Variants in SLC35F1 observed in about 807,000 individuals in gnomAD.
The protein encoded by SLC35F1 is chromosome 6 open reading frame 169.
A neutral mutation model predicts 48.7 loss-of-function variants in SLC35F1; 14 were observed. That is an observed-to-expected ratio of 0.29 (90% confidence interval 0.19 to 0.45). SLC35F1 has a LOEUF of 0.45. Among genes scored for constraint, SLC35F1 ranks in the 20% least tolerant of loss-of-function variants. The pLI, the probability that SLC35F1 is intolerant of heterozygous loss-of-function variation, is 1.00. For missense variants in SLC35F1, 404 were observed against 500.0 expected, an observed-to-expected ratio of 0.81 and a Z score of 1.83; for synonymous variants, 190 against 202.2, an observed-to-expected ratio of 0.94 and a Z score of 0.51.
In SLC35F1 at chr6:118,136,871, C is replaced by G. The variant is rs1393104938; in HGVS notation, c.174-17574C>G. ...AAAACATTTTATGAAATATGTATCA[C>G]AGCAGCCATCATGTTCTGTTCTTCA... is the stretch of plus-strand genomic sequence containing the variant. On this transcript the variant is annotated intron_variant, in intron 1 of 7. Coordinates refer to ENST00000360388, the MANE Select transcript of SLC35F1 (RefSeq NM_001029858.4). Among the ~76,000 whole-genome samples, 3 of 152,208 alleles carry G rather than the reference C, an allele frequency of 2.0e-5. No homozygotes were observed. The East Asian group carries it at 5.8e-4, about 29-fold the overall frequency.
chr6:118,263,662 A>T (rs1199846018), intron 3 of SLC35F1, among the ~76,000 whole-genome samples: 3 of 151,942 alleles, frequency 2.0e-5, no homozygotes, highest in Non-Finnish European at 4.4e-5. Flanking sequence ...ATTAATGGCA[A>T]TCAGAAGAGG....
chr6:118,209,232 T>G (rs1160615688), intron 2 of SLC35F1, among the ~76,000 whole-genome samples: 1 of 152,236 alleles, frequency 6.6e-6, no homozygotes, highest in Non-Finnish European at 1.5e-5. Flanking sequence ...GGGTCTTCAT[T>G]TCTGAAGGCT....
chr6:117,916,719 T>G (rs1775830753), intron 1 of SLC35F1, among the ~76,000 whole-genome samples: 1 of 152,164 alleles, frequency 6.6e-6, no homozygotes, highest in Non-Finnish European at 1.5e-5. Flanking sequence ...GTAAGACTTT[T>G]CAGAGATCAC....
intron 7 of SLC35F1, among the ~76,000 whole-genome samples, chr6:118,292,064 GCTGAGAGCAGGCCA>G (rs1366877960): frequency 1.3e-5 from 2 of 152,180 alleles, no homozygotes; most frequent in Non-Finnish European, 2.9e-5. Flanking sequence ...TTTGCAGTGA[GCTGAGAGCAGGCCA>G]CTGCACTCCA....
At chr6:117,923,965 A>C (rs1775982248) in intron 1 of SLC35F1, among the ~76,000 whole-genome samples, 1 of 150,942 alleles carries the variant, frequency 6.6e-6, no homozygotes, top group Non-Finnish European at 1.5e-5. Flanking sequence ...ATACATATAT[A>C]GGGAATAGAA....
intron 1 of SLC35F1, among the ~76,000 whole-genome samples, chr6:118,041,427 C>T (rs1259370075): frequency 1.3e-5 from 2 of 152,084 alleles, no homozygotes; most frequent in African/African-American, 4.8e-5. Context: ...TGATGGCCAG[C>T]CTCATCTAAC....
In SLC35F1 at chr6:118,217,805, T is replaced by C. The variant is rs373748931; in HGVS notation, c.350-17704T>C. 4.6e-5 allele frequency among the ~76,000 whole-genome samples: 7 copies of C among 152,300 alleles called. No individual in the cohort carries two copies. The South Asian group carries it at 8.3e-4, about 18-fold the overall frequency. On this transcript the variant is annotated intron_variant, in intron 2 of 7. Transcript: ENST00000360388. ...TTGCAACATGCCTTAATTTAAACTCTGGTAGGATATTGCAAGATCAGCTCA... is the reference window on the plus strand; with the variant it reads ...TTGCAACATGCCTTAATTTAAACTCCGGTAGGATATTGCAAGATCAGCTCA...
chr6:118,225,690 G>A (rs1353692248), intron 2 of SLC35F1, among the ~76,000 whole-genome samples: 3 of 145,638 alleles, frequency 2.1e-5, no homozygotes, highest in Admixed American at 7.1e-5. Flanking sequence ...TGGCTAACAC[G>A]GTGAAACCCC....
chr6:118,151,809 G>T (rs550234388), intron 1 of SLC35F1, among the ~76,000 whole-genome samples: 1 of 152,104 alleles, frequency 6.6e-6, no homozygotes, highest in Non-Finnish European at 1.5e-5. Context: ...GAGCCACTGC[G>T]CCTGGCCTTT....
At chr6:118,210,191 T>C (rs569769970) in intron 2 of SLC35F1, among the ~76,000 whole-genome samples, 1 of 152,220 alleles carries the variant, frequency 6.6e-6, no homozygotes, top group African/African-American at 2.4e-5. Context: ...TTTCTGCCTC[T>C]CTGAGTGAGT....
At chr6:117,992,856 C>G (rs184325810) in intron 1 of SLC35F1, among the ~76,000 whole-genome samples, 204 of 152,304 alleles carry the variant, frequency 1.3e-3, no homozygotes, top group African/African-American at 4.7e-3. Context: ...TTAGCTTCAC[C>G]CCTCTACAAT....
At chr6:117,953,834 A>G (rs982194221) in intron 1 of SLC35F1, among the ~76,000 whole-genome samples, 3 of 152,184 alleles carry the variant, frequency 2.0e-5, no homozygotes, top group Non-Finnish European at 4.4e-5. Flanking sequence ...CATTGTCATA[A>G]TGGGGCACAA....
At chr6:118,087,589 G>C (rs1246002758) in intron 1 of SLC35F1, among the ~76,000 whole-genome samples, 1 of 151,998 alleles carries the variant, frequency 6.6e-6, no homozygotes, top group East Asian at 1.9e-4. Flanking sequence ...CTCTTGCTAG[G>C]CTCAGCCCAA....
chr6:117,942,292 G>A (rs1312575065), intron 1 of SLC35F1, among the ~76,000 whole-genome samples: 1 of 152,112 alleles, frequency 6.6e-6, no homozygotes, highest in African/African-American at 2.4e-5. Flanking sequence ...CATAGACACT[G>A]AGAGCTTAGA....
Position 118,123,628 on chromosome 6 carries a change from A to G in SLC35F1, c.174-30817A>G, listed in dbSNP as rs895708652. ...ATCTCTGCAACCTTTGATCTTCCCTAAAAAGAATGACAGATTTCTAGTCTT... is the reference window on the plus strand; with the variant it reads ...ATCTCTGCAACCTTTGATCTTCCCTGAAAAGAATGACAGATTTCTAGTCTT... On this transcript the variant is annotated intron_variant, in intron 1 of 7. Transcript: ENST00000360388. Among the ~76,000 whole-genome samples the G allele has an allele frequency of 1.1e-4, 16 of 152,152 alleles. 1 individual carries two copies. The highest frequency in any genetic ancestry group is 1.5e-5 in the Non-Finnish European group (1 of 68,024).
At chr6:118,111,424 A>C (rs1773398099) in intron 1 of SLC35F1, among the ~76,000 whole-genome samples, 1 of 152,186 alleles carries the variant, frequency 6.6e-6, no homozygotes, top group African/African-American at 2.4e-5. Context: ...ACTATACAAG[A>C]AGAAAATAGA....
chr6:117,938,966 G>A (rs756479840), intron 1 of SLC35F1, among the ~76,000 whole-genome samples: 13 of 148,944 alleles, frequency 8.7e-5, no homozygotes, highest in South Asian at 4.2e-4. Flanking sequence ...TTTTACTTCC[G>A]AAGTTCTACC....
chr6:117,957,002 G>A (rs1026854610), intron 1 of SLC35F1, among the ~76,000 whole-genome samples: 6 of 152,230 alleles, frequency 3.9e-5, no homozygotes, highest in East Asian at 1.9e-4. Flanking sequence ...CTAAGCCTGC[G>A]GTGATGACTT....
intron 1 of SLC35F1, among the ~76,000 whole-genome samples, chr6:117,929,920 T>A (rs915102310): frequency 1.3e-5 from 2 of 152,180 alleles, no homozygotes; most frequent in African/African-American, 4.8e-5. Context: ...GGAATTACTA[T>A]GTATCAGCCA....
Sources: allele counts gnomAD v4.1 joint callset (sites outside exome capture counted in the v4.1 genomes callset), GRCh38; gene constraint gnomAD v4.1.1; transcripts MANE v1.5; gene names NCBI Gene and HGNC (gene_info 2026-07-23, HGNC 2026-07-21).